ZCCHC2: variants seen among roughly 807,000 people sequenced by gnomAD.
The protein encoded by ZCCHC2 is zinc finger CCHC-type containing 2.
Under a neutral mutation model 103.6 loss-of-function variants are expected in ZCCHC2, and 39 were observed. That is an observed-to-expected ratio of 0.38 (90% CI 0.29 to 0.49). The LOEUF (loss-of-function observed/expected upper bound fraction) is 0.49, where lower values mean the gene tolerates loss of function less well. ZCCHC2 is among the 20% of genes least tolerant of loss of function. ZCCHC2 has a pLI of 0.96. For missense variants in ZCCHC2, 1,483 were observed against 1,491.0 expected (o/e 0.99, Z 0.09); for synonymous variants, 687 against 608.9 (o/e 1.13, Z -1.89).
chr18:62,535,973 A>T (rs924743614), intron 1 of ZCCHC2, among the ~76,000 whole-genome samples: 6 of 152,254 alleles, frequency 3.9e-5, no homozygotes, highest in African/African-American at 1.4e-4. Context: ...TTGGATTTTT[A>T]AATTTATAGT....
Position 62,569,654 on chromosome 18 carries a change from CAG to C in ZCCHC2, c.1847-448_1847-447del, listed in dbSNP as rs374450951. On this transcript the variant is annotated intron_variant, in intron 11 of 13. Transcript: ENST00000269499. ...GTATAGGCTTGAACTTGGCAGAACT[CAG>C]GGGACTATTCAGTCTACTAGATGGG... Among the ~76,000 whole-genome samples, 72 of 152,080 alleles carry C rather than the reference CAG, an allele frequency of 4.7e-4. No individual in the cohort carries two copies. The South Asian group carries it at 7.7e-3, about 16-fold the overall frequency.
Position 62,523,553 on chromosome 18 carries a change from C to CCCCCCG in ZCCHC2, c.131_132insCCCGCC (p.Pro49_Pro50dup). The CCCCCCG allele has an allele frequency of 1.1e-6, 1 of 932,578 alleles. No individual in the cohort carries two copies. Among genetic ancestry groups the CCCCCCG allele is most frequent in the South Asian group, 5.0e-5 (1 of 20,052 alleles). The allele number at this position is 932,578 out of a possible 1,614,324, so 57.8% of individuals were successfully genotyped here. ...CGCGCCGCCGCCGCGACTGCCGCCC[C>CCCCCCG]CCGCCGCCGCCGCCGCCGCCCGCGG... On this transcript the variant is annotated inframe_insertion, in exon 1 of 14. Transcript: ENST00000269499.
chr18:62,561,154 A>G (rs1213182551), intron 8 of ZCCHC2, among the ~76,000 whole-genome samples: 2 of 152,044 alleles, frequency 1.3e-5, no homozygotes, highest in Admixed American at 6.5e-5. Flanking sequence ...TTTCCTTCCA[A>G]CTGAAGAACA....
At chr18:62,579,369 C>T (rs532220279), downstream of ZCCHC2, among the ~76,000 whole-genome samples, 1 of 152,262 alleles carries the variant, frequency 6.6e-6, no homozygotes, top group African/African-American at 2.4e-5. Context: ...AGTTTTTAAA[C>T]GGTTGGTAAT....
At position 62,571,321 on chromosome 18, in the gene ZCCHC2, C is replaced by A. The variant is rs572681179; in HGVS notation, c.1975+1090C>A. ...TACTGCAAGAGAGATGGTGTTTGCA[C>A]TGATTTCAGAAAGTGAGGTACAAGT... On this transcript the variant is annotated intron_variant, in intron 12 of 13. Coordinates refer to ENST00000269499, the MANE Select transcript of ZCCHC2 (RefSeq NM_017742.6). Among the ~76,000 whole-genome samples the A allele has an allele frequency of 5.9e-5, 9 of 152,262 alleles. No individual in the cohort carries two copies. The South Asian group carries it at 6.2e-4, about 11-fold the overall frequency.
exon 15 of ZCCHC2, chr18:62,584,741 T>C (rs1308423517): frequency 6.6e-6 from 1 of 152,256 alleles, no homozygotes; most frequent in Non-Finnish European, 1.5e-5. Flanking sequence ...CTCTGTGCTT[T>C]TCCTGCGTGC....
At chr18:62,547,243 T>TGAACCCC (rs1280867372) in intron 4 of ZCCHC2, among the ~76,000 whole-genome samples, 1 of 151,544 alleles carries the variant, frequency 6.6e-6, no homozygotes, top group Non-Finnish European at 1.5e-5. Context: ...GAGAATCACT[T>TGAACCCC]GAACCCCAAA....
intron 2 of ZCCHC2, among the ~76,000 whole-genome samples, chr18:62,540,795 A>G (rs1915137894): frequency 6.6e-6 from 1 of 152,174 alleles, no homozygotes. Flanking sequence ...AGTGTAATAC[A>G]TGCTTTTTAG....
In ZCCHC2 at chr18:62,523,270, C is replaced by A. The variant is rs1343051228; in HGVS notation, c.-155C>A. 1 of 679,640 alleles carries A rather than the reference C, an allele frequency of 1.5e-6. No homozygotes were observed. The highest frequency in any genetic ancestry group is 1.8e-6 in the Non-Finnish European group (1 of 550,686). The allele number at this position is 679,640 out of a possible 1,614,324, so 42.1% of individuals were successfully genotyped here. A position where few individuals can be genotyped will look rare whatever the true frequency, so the allele number is the denominator to read the frequency against. Reference sequence around the variant, plus strand: ...GACCCCGCCGGCCGGCCACCGCCCCCCTCGCCGGCCGAGACCCGCCCCCGG... The same window carrying A: ...GACCCCGCCGGCCGGCCACCGCCCCACTCGCCGGCCGAGACCCGCCCCCGG... On this transcript the variant is annotated 5_prime_UTR_variant, in exon 1 of 14. Transcript: ENST00000269499.
intron 1 of ZCCHC2, among the ~76,000 whole-genome samples, chr18:62,533,320 G>T (rs1021585518): frequency 6.6e-6 from 1 of 152,074 alleles, no homozygotes; most frequent in African/African-American, 2.4e-5. Flanking sequence ...GAGGTCAGGA[G>T]TTCGATACCA....
In ZCCHC2 at chr18:62,523,904, G is replaced by T; in HGVS notation, c.480G>T (p.Pro160=). The T allele has an allele frequency of 1.3e-6, 2 of 1,536,992 alleles. No individual in the cohort carries two copies. The highest frequency in any genetic ancestry group is 1.7e-6 in the Non-Finnish European group (2 of 1,144,206). ...CCAACGGCCTCTCGGACCCGGGGCC[G>T]CTGGCCGACTTCCGAGAGCCCGCGG... is the stretch of plus-strand genomic sequence containing the variant. The part of the protein sequence containing the change: ...AKANGLSDPG[P]LADFREPAVR... Residue 160 remains proline, a synonymous_variant, in exon 1 of 14, where the codon CCG becomes CCT. Transcript: ENST00000269499.
In ZCCHC2 at chr18:62,523,943, C is replaced by T. The variant is rs931553482; in HGVS notation, c.519C>T (p.Leu173=). The change falls in exon 1 of 14, where the codon CTC becomes CTT. Residue 173 remains leucine, a synonymous_variant. Coordinates refer to ENST00000269499, the MANE Select transcript of ZCCHC2 (RefSeq NM_017742.6). ...DFREPAVRSR[L]IVYLALLGSE... is the part of the protein sequence containing the mutation. ...GAGAGCCCGCGGTGCGCTCGCGCCT[C>T]ATCGTCTACCTGGCGCTGCTGGGCT... 7.7e-5 allele frequency: 117 copies of T among 1,523,590 alleles called. No individual in the cohort carries two copies. The highest frequency in any genetic ancestry group is 9.9e-5 in the Non-Finnish European group (113 of 1,139,490). 94.4% of individuals were successfully genotyped at this position (1,523,590 alleles called of 1,614,324 possible).
intron 1 of ZCCHC2, 199 bp downstream of exon 1, chr18:62,524,562 CA>C: frequency 1.3e-6 from 1 of 793,698 alleles, no homozygotes. Flanking sequence ...CCCCACCCCA[CA>C]CCCCGGCAGA....
intron 1 of ZCCHC2, among the ~76,000 whole-genome samples, chr18:62,531,521 CCTAT>C (rs1392736081): frequency 1.3e-5 from 2 of 152,112 alleles, no homozygotes; most frequent in Non-Finnish European, 2.9e-5. Context: ...GGATATCATT[CCTAT>C]CTGTTTCCTA....
chr18:62,570,364 A>T, intron 12 of ZCCHC2, 133 bp downstream of exon 12: 1 of 1,149,734 alleles, frequency 8.7e-7, no homozygotes, highest in South Asian at 1.4e-5. Context: ...CTGATTTTAA[A>T]TGTAAAGTCG....
intron 12 of ZCCHC2, 68 bp downstream of exon 12, chr18:62,570,299 GT>G: frequency 6.4e-7 from 1 of 1,551,474 alleles, no homozygotes; most frequent in Non-Finnish European, 8.7e-7. Flanking sequence ...AATGTGTGTT[GT>G]TTCTTCATGT....
At position 62,523,553 on chromosome 18, in the gene ZCCHC2, CCCG is replaced by C. The variant is rs563687016; in HGVS notation, c.147_149del (p.Pro50del). The stretch of plus-strand genomic sequence containing the variant: ...CGCGCCGCCGCCGCGACTGCCGCCC[CCCG>C]CCGCCGCCGCCGCCGCCCGCGGGCC... On this transcript the variant is annotated inframe_deletion, in exon 1 of 14. Coordinates refer to ENST00000269499, the MANE Select transcript of ZCCHC2 (RefSeq NM_017742.6). The C allele has an allele frequency of 7.4e-4, 693 of 932,254 alleles. 1 individual carries two copies. The highest frequency in any genetic ancestry group is 1.9e-3 in the Admixed American group (28 of 15,092). The allele number at this position is 932,254 out of a possible 1,614,324, so 57.7% of individuals were successfully genotyped here.
At chr18:62,571,916 G>C (rs568426975) in intron 12 of ZCCHC2, among the ~76,000 whole-genome samples, 1 of 152,274 alleles carries the variant, frequency 6.6e-6, no homozygotes, top group Admixed American at 6.5e-5. Context: ...TTACTTTGCA[G>C]TTACTTTGTA....
downstream of ZCCHC2, among the ~76,000 whole-genome samples, chr18:62,583,342 TA>T (rs34844309): frequency 0.92 from 140,442 of 152,254 alleles, 64,949 homozygotes; most frequent in East Asian, 1. Context: ...TGCCGAGTCA[TA>T]ACGGTCATGA....
Sources: allele counts gnomAD v4.1 joint callset (sites outside exome capture counted in the v4.1 genomes callset), GRCh38; gene constraint gnomAD v4.1.1; transcripts MANE v1.5; gene names NCBI Gene and HGNC (gene_info 2026-07-23, HGNC 2026-07-21).